The following COL23A1 variants were observed in gnomAD, a reference collection of about 807,000 sequenced individuals.
The protein encoded by COL23A1 is collagen type XXIII alpha 1 chain.
COL23A1 carries 97 observed loss-of-function variants against 99.3 expected under a neutral mutation model. The observed-to-expected ratio is 0.98, with a 90% CI of 0.83 to 1.16. COL23A1 has a LOEUF of 1.16. Among genes scored for constraint, COL23A1 ranks in the 50% most tolerant of loss-of-function variants. COL23A1 has a pLI of 0.00. For synonymous variants in COL23A1, 320 were observed against 308.2 expected, an observed-to-expected ratio of 1.04 and a Z score of -0.40; for missense variants, 762 against 757.4, an observed-to-expected ratio of 1.01 and a Z score of -0.07.
At chr5:178,316,244 A>G (rs1758976514) in intron 2 of COL23A1, among the ~76,000 whole-genome samples, 1 of 152,238 alleles carries the variant, frequency 6.6e-6, no homozygotes, top group Non-Finnish European at 1.5e-5. Context: ...AAGAAGTTAG[A>G]AAGTATTCTG....
At chr5:178,267,834 C>G (rs1459574903) in intron 7 of COL23A1, among the ~76,000 whole-genome samples, 1 of 152,256 alleles carries the variant, frequency 6.6e-6, no homozygotes, top group South Asian at 2.1e-4. Flanking sequence ...GCCAACTGCA[C>G]TAGTCTCTTC....
At chr5:178,527,899 T>C (rs1760405230) in intron 2 of COL23A1, among the ~76,000 whole-genome samples, 1 of 152,240 alleles carries the variant, frequency 6.6e-6, no homozygotes, top group Non-Finnish European at 1.5e-5. Flanking sequence ...CCAGGATTTC[T>C]TGGCATGAAA....
At chr5:178,435,828 C>T (rs1766528231) in intron 2 of COL23A1, among the ~76,000 whole-genome samples, 1 of 152,200 alleles carries the variant, frequency 6.6e-6, no homozygotes, top group African/African-American at 2.4e-5. Flanking sequence ...TCACTGAGGA[C>T]TGAGTCAGAT....
chr5:178,518,647 C>T (rs1344602612), intron 2 of COL23A1, among the ~76,000 whole-genome samples: 17 of 118,584 alleles, frequency 1.4e-4, no homozygotes, highest in Admixed American at 2.3e-4. Flanking sequence ...ACGCTCCTCA[C>T]TTCCTAGATG....
chr5:178,266,174 G>A (rs958305349), intron 8 of COL23A1, among the ~76,000 whole-genome samples: 3 of 152,054 alleles, frequency 2.0e-5, no homozygotes, highest in African/African-American at 4.8e-5. Context: ...TCGAGTAGCT[G>A]GGACCACAGG....
At chr5:178,246,221 G>C in intron 24 of COL23A1, 33 bp downstream of exon 24, 2 of 1,552,266 alleles carry the variant, frequency 1.3e-6, no homozygotes, top group Non-Finnish European at 1.7e-6. Flanking sequence ...AGGTGGCCAC[G>C]GTTGGAGAGG....
Position 178,308,198 on chromosome 5 carries a change from T to C in COL23A1, c.362-1279A>G, listed in dbSNP as rs981233687. ...AAGGGGAGGAGGGAGGGCCAGTCTC[T>C]GAGAAACAGCGAGAGAGAAGAGATC... On this transcript the variant is annotated intron_variant, in intron 2 of 28. Coordinates refer to ENST00000390654, the MANE Select transcript of COL23A1 (RefSeq NM_173465.4). The surrounding 1 kb of genome is among the most constrained non-coding windows in gnomAD (Gnocchi z 5.1). Among the ~76,000 whole-genome samples the C allele has an allele frequency of 1.3e-5, 2 of 152,042 alleles. No individual in the cohort carries two copies. Among genetic ancestry groups the C allele is most frequent in the Non-Finnish European group, 1.5e-5 (1 of 68,010 alleles).
At chr5:178,257,137 G>A (rs1457387121) in intron 13 of COL23A1, among the ~76,000 whole-genome samples, 1 of 152,196 alleles carries the variant, frequency 6.6e-6, no homozygotes, top group Non-Finnish European at 1.5e-5. Context: ...TTCTGGTGTG[G>A]GCCTTGGCAC....
At chr5:178,405,375 A>G (rs187610684) in intron 2 of COL23A1, among the ~76,000 whole-genome samples, 1 of 152,320 alleles carries the variant, frequency 6.6e-6, no homozygotes, top group East Asian at 1.9e-4. Flanking sequence ...CTATGATTCA[A>G]TTTTTGTATT....
At chr5:178,518,300 C>A (rs1296845402) in intron 2 of COL23A1, among the ~76,000 whole-genome samples, 2 of 149,278 alleles carry the variant, frequency 1.3e-5, no homozygotes, top group Admixed American at 1.3e-4. Flanking sequence ...CTACTTCTTT[C>A]TACACAGACA....
intron 2 of COL23A1, among the ~76,000 whole-genome samples, chr5:178,410,063 C>T (rs1462654448): frequency 6.6e-6 from 1 of 152,096 alleles, no homozygotes; most frequent in Admixed American, 6.5e-5. Context: ...GGTCATGCAA[C>T]TAACATCAAA....
intron 17 of COL23A1, among the ~76,000 whole-genome samples, chr5:178,251,016 C>T (rs1203255823): frequency 1.5e-5 from 2 of 133,124 alleles, no homozygotes; most frequent in South Asian, 2.6e-4. Context: ...GTTCTCTAAT[C>T]GCAAGATAAT....
chr5:178,351,719 G>A (rs768407711), intron 2 of COL23A1, among the ~76,000 whole-genome samples: 1 of 152,200 alleles, frequency 6.6e-6, no homozygotes, highest in African/African-American at 2.4e-5. Flanking sequence ...TGCATTCTGT[G>A]TTCCAGGCTG....
In COL23A1 at chr5:178,415,940, A is replaced by T. The variant is rs769099025; in HGVS notation, c.362-109021T>A. ...GATGGGACCAGAGAGAGCTTTCAGG[A>T]GGTGAAGTCAGAGCTGGGCCCTGAA... On this transcript the variant is annotated intron_variant, in intron 2 of 28. Coordinates refer to ENST00000390654, the MANE Select transcript of COL23A1 (RefSeq NM_173465.4). This position sits in a 1 kb window ranked among gnomAD's most constrained non-coding sequence, Gnocchi z 4.6. Among the ~76,000 whole-genome samples, 1 of 151,984 alleles carries T rather than the reference A, an allele frequency of 6.6e-6. No homozygotes were observed. Among genetic ancestry groups the T allele is most frequent in the Non-Finnish European group, 1.5e-5 (1 of 67,960 alleles).
chr5:178,553,067 G>A (rs761894274), intron 2 of COL23A1, among the ~76,000 whole-genome samples: 5 of 151,614 alleles, frequency 3.3e-5, no homozygotes, highest in Admixed American at 6.6e-5. Context: ...CTATTATCCC[G>A]GCTGAGGCAG....
intron 27 of COL23A1, among the ~76,000 whole-genome samples, chr5:178,240,331 A>C (rs1197356460): frequency 6.6e-6 from 1 of 152,108 alleles, no homozygotes; most frequent in Non-Finnish European, 1.5e-5. Context: ...CACCAAAGGG[A>C]AGGTGGGGAG....
In COL23A1 at chr5:178,459,364, A is replaced by C. The variant is rs945528975; in HGVS notation, c.361+101318T>G. Reference sequence around the variant, plus strand: ...AATAGGTGGGAAACAAGATGTTTACATATGAAACAAGAAGAATTGTGATTT... The same window carrying C: ...AATAGGTGGGAAACAAGATGTTTACCTATGAAACAAGAAGAATTGTGATTT... On this transcript the variant is annotated intron_variant, in intron 2 of 28. Transcript: ENST00000390654. 2.6e-4 allele frequency among the ~76,000 whole-genome samples: 39 copies of C among 152,236 alleles called. 1 individual carries two copies. Among genetic ancestry groups the C allele is most frequent in the Admixed American group, 2.5e-3 (38 of 15,288 alleles).
intron 2 of COL23A1, among the ~76,000 whole-genome samples, chr5:178,421,887 C>T (rs1765650724): frequency 6.6e-6 from 1 of 152,138 alleles, no homozygotes; most frequent in Non-Finnish European, 1.5e-5. Flanking sequence ...CACACGCATA[C>T]ACGCAGGCAC....
intron 2 of COL23A1, among the ~76,000 whole-genome samples, chr5:178,549,902 AGAT>A (rs1367686664): frequency 6.6e-6 from 1 of 152,232 alleles, no homozygotes; most frequent in Non-Finnish European, 1.5e-5. Context: ...CATTAAATCT[AGAT>A]GAAACGGACA....
Sources: allele counts gnomAD v4.1 joint callset (sites outside exome capture counted in the v4.1 genomes callset), GRCh38; gene constraint gnomAD v4.1.1; non-coding constraint Gnocchi (gnomAD v3.1); transcripts MANE v1.5; gene names NCBI Gene and HGNC (gene_info 2026-07-23, HGNC 2026-07-21).